TRA2A: variants seen among roughly 807,000 people sequenced by gnomAD.
TRA2A encodes the protein transformer 2 alpha homolog, also known as transformer-2 protein homolog alpha.
A neutral mutation model predicts 45.7 loss-of-function variants in TRA2A; 31 were observed. The observed-to-expected ratio is 0.68, with a 90% CI of 0.51 to 0.92. The LOEUF is 0.92. TRA2A is among the 40% of genes least tolerant of loss of function. TRA2A has a pLI of 0.00. For synonymous variants in TRA2A, 132 were observed against 126.2 expected (o/e 1.05, Z -0.31); for missense variants, 304 against 367.5 (o/e 0.83, Z 1.41).
At chr7:23,528,076 T>C (rs1227347439) in intron 1 of TRA2A, among the ~76,000 whole-genome samples, 2 of 152,214 alleles carry the variant, frequency 1.3e-5, no homozygotes, top group African/African-American at 4.8e-5. Context: ...TTTACCCTTA[T>C]GTAAGGTCAA....
intron 2 of TRA2A, among the ~76,000 whole-genome samples, chr7:23,517,521 A>G (rs73074848): frequency 0.12 from 16,307 of 139,106 alleles, 1,186 homozygotes; most frequent in Middle Eastern, 0.22. Flanking sequence ...AAGAAAGAAA[A>G]ATCACTTGGG....
At chr7:23,506,397 TC>T in intron 5 of TRA2A, 131 bp from the exon 6 acceptor site, 5 of 1,163,382 alleles carry the variant, frequency 4.3e-6, no homozygotes, top group Non-Finnish European at 5.8e-6. Flanking sequence ...TGCCTCCGTA[TC>T]TCATTTTACT....
intron 3 of TRA2A, among the ~76,000 whole-genome samples, chr7:23,514,174 T>C (rs1319829093): frequency 1.3e-5 from 2 of 151,666 alleles, no homozygotes; most frequent in Non-Finnish European, 2.9e-5. Flanking sequence ...GTCCAGCCAT[T>C]CTCCTGCTTC....
intron 1 of TRA2A, 70 bp downstream of exon 1, chr7:23,531,719 C>T: frequency 1.3e-6 from 2 of 1,583,356 alleles, no homozygotes; most frequent in Non-Finnish European, 1.7e-6. Flanking sequence ...CCCCGCCCGA[C>T]CGCGCTTGTT....
chr7:23,512,536 G>A (rs1426283817), intron 4 of TRA2A, among the ~76,000 whole-genome samples: 2 of 152,030 alleles, frequency 1.3e-5, no homozygotes, highest in African/African-American at 2.4e-5. Flanking sequence ...TCGGCTCACT[G>A]TAAGCTCTGC....
At chr7:23,507,338 GA>G in intron 5 of TRA2A, 81 bp downstream of exon 5, 1 of 1,107,944 alleles carries the variant, frequency 9.0e-7, no homozygotes. Flanking sequence ...CTAATTATAG[GA>G]AAAAAGTTTC....
intron 1 of TRA2A, chr7:23,522,485 T>G: frequency 1.2e-6 from 1 of 829,980 alleles, no homozygotes; most frequent in Non-Finnish European, 1.6e-6. Context: ...ATTATAAAAC[T>G]CTGCTGGAGT....
chr7:23,511,668 G>T (rs138829079), intron 4 of TRA2A, among the ~76,000 whole-genome samples: 568 of 152,160 alleles, frequency 3.7e-3, no homozygotes, highest in Non-Finnish European at 5.7e-3. Flanking sequence ...AGGAACAGTT[G>T]AGGCCAGGAG....
intron 3 of TRA2A, among the ~76,000 whole-genome samples, chr7:23,513,897 G>A (rs984037790): frequency 2.0e-5 from 3 of 152,106 alleles, no homozygotes; most frequent in African/African-American, 4.8e-5. Context: ...GAAGGAGGAA[G>A]TAATTTGTGG....
chr7:23,529,379 GCCT>G (rs1390827640), intron 1 of TRA2A, among the ~76,000 whole-genome samples: 2 of 152,124 alleles, frequency 1.3e-5, no homozygotes, highest in South Asian at 2.1e-4. Context: ...TCCTGCCTCA[GCCT>G]CCTAAGTAGC....
rs200319016 is a variant in TRA2A at position 23,513,074 on chromosome 7, T to G, written c.345A>C (p.Pro115=). ...RRRHTGSRAN[P]DPNTCLGVFG... is the part of the protein sequence containing the mutation. ...ACACTCCAAGGCAAGTGTTGGGATC[T>G]GGATTTGCCTATTGAATGGAAATAT... Residue 115 remains proline, a synonymous_variant, in exon 4 of 8, where the codon CCA becomes CCC. Transcript: ENST00000297071. 2 of 1,584,628 alleles carry G rather than the reference T, an allele frequency of 1.3e-6. No individual in the cohort carries two copies. The highest frequency in any genetic ancestry group is 2.7e-5 in the African/African-American group (2 of 73,736).
At chr7:23,516,245 G>A (rs1789864765) in intron 3 of TRA2A, 118 bp downstream of exon 3, 1 of 923,874 alleles carries the variant, frequency 1.1e-6, no homozygotes, top group Non-Finnish European at 1.6e-6. Flanking sequence ...AGCTTATTAA[G>A]GATGTTTCCA....
At chr7:23,530,235 T>C (rs748235305) in intron 1 of TRA2A, among the ~76,000 whole-genome samples, 1 of 152,180 alleles carries the variant, frequency 6.6e-6, no homozygotes, top group Non-Finnish European at 1.5e-5. Flanking sequence ...CAATACACCA[T>C]CCTAAAAAAT....
chr7:23,527,793 G>A (rs1360495430), intron 1 of TRA2A, among the ~76,000 whole-genome samples: 1 of 152,096 alleles, frequency 6.6e-6, no homozygotes, highest in Non-Finnish European at 1.5e-5. Context: ...TTAGTTATGC[G>A]CTGTGGGTAT....
chr7:23,531,217 C>T, intron 1 of TRA2A: 1 of 987,180 alleles, frequency 1.0e-6, no homozygotes, highest in Non-Finnish European at 1.2e-6. Flanking sequence ...AACCTCAAGG[C>T]TTTCGCCTTT....
At chr7:23,521,911 G>A (rs894340576) in intron 1 of TRA2A, 71 bp from the exon 2 acceptor site, 18 of 1,584,386 alleles carry the variant, frequency 1.1e-5, no homozygotes, top group African/African-American at 4.1e-5. Flanking sequence ...TTAAAGTACC[G>A]TAATTATTTA....
At chr7:23,507,206 T>C (rs573364453) in intron 5 of TRA2A, 33 of 519,074 alleles carry the variant, frequency 6.4e-5, no homozygotes, top group Admixed American at 4.1e-4. Context: ...GTTCAAGTGA[T>C]TCCTGTGCCT....
At chr7:23,511,228 G>A (rs929747153) in intron 4 of TRA2A, among the ~76,000 whole-genome samples, 6 of 151,664 alleles carry the variant, frequency 4.0e-5, no homozygotes, top group Non-Finnish European at 5.9e-5. Context: ...AAAATTAGCT[G>A]GACATGGTGG....
intron 1 of TRA2A, among the ~76,000 whole-genome samples, chr7:23,526,640 C>T (rs946339274): frequency 6.6e-6 from 1 of 152,166 alleles, no homozygotes; most frequent in South Asian, 2.1e-4. Context: ...GGAGAATACT[C>T]TTACAGACCC....
Sources: allele counts gnomAD v4.1 joint callset (sites outside exome capture counted in the v4.1 genomes callset), GRCh38; gene constraint gnomAD v4.1.1; transcripts MANE v1.5; gene names NCBI Gene and HGNC (gene_info 2026-07-23, HGNC 2026-07-21).